PKD1: variants seen among roughly 807,000 people sequenced by gnomAD.
The protein encoded by PKD1 is polycystin-1.
Under a neutral mutation model 361.7 loss-of-function variants are expected in PKD1, and 81 were observed. The observed-to-expected ratio is 0.22, with a 90% CI of 0.19 to 0.27. The LOEUF is 0.27. Among genes scored for constraint, PKD1 ranks in the 10% least tolerant of loss-of-function variants. The pLI is 1.00. For missense variants in PKD1, 6,399 were observed against 6,118.3 expected, an observed-to-expected ratio of 1.05 and a Z score of -1.53; for synonymous variants, 3,615 against 2,818.3, an observed-to-expected ratio of 1.28 and a Z score of -8.95.
In PKD1 at chr16:2,105,435, C is replaced by T. The variant is rs778979740; in HGVS notation, c.7903G>A (p.Glu2635Lys). 1.2e-5 allele frequency: 19 copies of T among 1,588,224 alleles called. No individual in the cohort carries two copies. The highest frequency in any genetic ancestry group is 4.4e-5 in the South Asian group (4 of 90,974). Reference sequence around the variant, plus strand: ...CGTATCTGGGCTCGGTGCTGCCGCTCGTGCTTGGGCTCTGCCGCCACGTCC... The same window carrying T: ...CGTATCTGGGCTCGGTGCTGCCGCTTGTGCTTGGGCTCTGCCGCCACGTCC... ...ALDVAAEPKH[E>K]RQHRAQIRKN... Residue 2635 changes from glutamate (E) to lysine (K), a missense_variant, in exon 21 of 46, where the codon GAG (glutamate) becomes AAG (lysine). Coordinates refer to ENST00000262304, the MANE Select transcript of PKD1 (RefSeq NM_001009944.3).
At chr16:2,112,739 T>C (rs749752361) in intron 13 of PKD1, 49 bp downstream of exon 13, 25 of 1,573,500 alleles carry the variant, frequency 1.6e-5, no homozygotes, top group Non-Finnish European at 2.1e-5. Flanking sequence ...AGGCTGGGGC[T>C]GGGACAAGAG....
At chr16:2,131,044 T>C (rs1208717593) in intron 1 of PKD1, among the ~76,000 whole-genome samples, 2 of 152,202 alleles carry the variant, frequency 1.3e-5, no homozygotes, top group Non-Finnish European at 2.9e-5. Context: ...GACAATGGGA[T>C]GTCGGCTCCA....
Position 2,110,394 on chromosome 16 carries a change from G to C in PKD1, c.4773C>G (p.Ile1591Met), listed in dbSNP as rs373958724. 8.1e-6 allele frequency: 13 copies of C among 1,612,494 alleles called. No homozygotes were observed. Among genetic ancestry groups the C allele is most frequent in the Non-Finnish European group, 1.0e-5 (12 of 1,179,842 alleles). The change falls in exon 15 of 46, where the codon ATC (isoleucine) becomes ATG (methionine). Residue 1591 changes from isoleucine (I) to methionine (M), a missense_variant. Transcript: ENST00000262304. ...SWVLCDRCTP[I>M]PGGPTISYTF... ...TGTAAGAGATGGTAGGACCCCCAGGGATGGGCGTGCAGCGGTCACAGAGCA... is the reference window on the plus strand; with the variant it reads ...TGTAAGAGATGGTAGGACCCCCAGGCATGGGCGTGCAGCGGTCACAGAGCA...
rs2091601376 is a variant in PKD1, at chr16:2,091,884, C to T, written c.11434G>A (p.Ala3812Thr). ...ACGTAGCCCCCGCTGTCATACACGG[C>T]ACAGGAGCCCCAGGACCATGCCCTG... ...LLGAWSWGSCAVYDSGGYVQE... is the reference protein window; with the variant it reads ...LLGAWSWGSCTVYDSGGYVQE... Residue 3812 changes from alanine (A) to threonine (T), a missense_variant, in exon 41 of 46, where the codon GCC (alanine) becomes ACC (threonine). By Grantham distance (58) the Ala-to-Thr change is moderately conservative. Coordinates refer to ENST00000262304, the MANE Select transcript of PKD1 (RefSeq NM_001009944.3). 1.2e-6 allele frequency: 2 copies of T among 1,611,484 alleles called. No homozygotes were observed. The highest frequency in any genetic ancestry group is 1.1e-5 in the South Asian group (1 of 91,030).
chr16:2,135,564 C>G lies in PKD1; in HGVS notation c.126G>C (p.Ala42=). The G allele has an allele frequency of 9.0e-7, 1 of 1,111,190 alleles. No homozygotes were observed. 68.8% of individuals were successfully genotyped at this position (1,111,190 alleles called of 1,614,324 possible). Residue 42 remains alanine, a synonymous_variant, in exon 1 of 46, where the codon GCG becomes GCC. Transcript: ENST00000262304. ...AGTTGACGCGGCAGGCGGCGCCGGGCGCTGGGCCGCAGAGGCAGGGGGGCT... is the reference window on the plus strand; with the variant it reads ...AGTTGACGCGGCAGGCGGCGCCGGGGGCTGGGCCGCAGAGGCAGGGGGGCT... ...PCEPPCLCGP[A]PGAACRVNCS...
chr16:2,135,741 G>C lies in PKD1; in HGVS notation c.-52C>G, dbSNP rs1051951834. On this transcript the variant is annotated 5_prime_UTR_variant, in exon 1 of 46. Transcript: ENST00000262304. The stretch of plus-strand genomic sequence containing the variant: ...GCCGTCCCCAGGCCCGCCCGCGCGC[G>C]GAGGCCGCAGCTCAGGCGGGGCCCG... 2 of 964,840 alleles carry C rather than the reference G, an allele frequency of 2.1e-6. No individual in the cohort carries two copies. Among genetic ancestry groups the C allele is most frequent in the Non-Finnish European group, 1.2e-6 (1 of 814,332 alleles). The allele number at this position is 964,840 out of a possible 1,614,324, so 59.8% of individuals were successfully genotyped here. A position where few individuals can be genotyped will look rare whatever the true frequency, so the allele number is the denominator to read the frequency against.
intron 33 of PKD1, 39 bp from the exon 34 acceptor site, chr16:2,097,280 G>A (rs1415826765): frequency 6.2e-6 from 10 of 1,608,918 alleles, no homozygotes; most frequent in African/African-American, 2.7e-5. Context: ...CCAGCTGCAA[G>A]GGTGAGCTTC....
rs778893944 is a variant in PKD1 at position 2,091,143 on chromosome 16, G to C, written c.11744C>G (p.Ala3915Gly). The C allele has an allele frequency of 2.0e-6, 3 of 1,482,054 alleles. No homozygotes were observed. Among genetic ancestry groups the C allele is most frequent in the Non-Finnish European group, 2.7e-6 (3 of 1,124,356 alleles). 91.8% of individuals were successfully genotyped at this position (1,482,054 alleles called of 1,614,324 possible). A position where few individuals can be genotyped will look rare whatever the true frequency, so the allele number is the denominator to read the frequency against. The change falls in exon 43 of 46, where the codon GCC becomes GGC. Residue 3915 changes from alanine to glycine, a missense_variant. Coordinates refer to ENST00000262304, the MANE Select transcript of PKD1 (RefSeq NM_001009944.3). ...VCLLLFAVHF[A>G]VAEARTWHRE... is the part of the protein sequence containing the mutation. ...GTGCCAAGTACGGGCCTCGGCCACG[G>C]CGAAGTGCACGGCGAACAGCAGCAG... is the stretch of plus-strand genomic sequence containing the variant.
At position 2,105,449 on chromosome 16, in the gene PKD1, G is replaced by A. The variant is rs1459227005; in HGVS notation, c.7889C>T (p.Ala2630Val). ...GTGCTGCCGCTCGTGCTTGGGCTCT[G>A]CCGCCACGTCCAGGGCCCGCTCGTA... ...NEYERALDVAAEPKHERQHRA... is the reference protein window; with the variant it reads ...NEYERALDVAVEPKHERQHRA... The change falls in exon 21 of 46, where the codon GCA becomes GTA. Residue 2630 changes from alanine to valine, a missense_variant. Transcript: ENST00000262304. 2 of 1,593,400 alleles carry A rather than the reference G, an allele frequency of 1.3e-6. No individual in the cohort carries two copies. The highest frequency in any genetic ancestry group is 2.3e-4 in the Middle Eastern group (1 of 4,436).
At chr16:2,124,939 G>A (rs1032027096) in intron 1 of PKD1, among the ~76,000 whole-genome samples, 5 of 152,108 alleles carry the variant, frequency 3.3e-5, no homozygotes, top group Admixed American at 1.3e-4. Flanking sequence ...GTTCCCCTCC[G>A]CCCAGCAAGA....
chr16:2,115,657 T>C, intron 9 of PKD1, 32 bp from the exon 10 acceptor site: 4 of 1,591,590 alleles, frequency 2.5e-6, no homozygotes, highest in Non-Finnish European at 3.4e-6. Context: ...GGGGCCCTGA[T>C]TTGCCCACAG....
At chr16:2,123,533 G>A in intron 1 of PKD1, 2 of 456,312 alleles carry the variant, frequency 4.4e-6, no homozygotes, top group South Asian at 3.1e-5. Context: ...GGAACGCCAA[G>A]GCCTAGCCAG....
At position 2,116,821 on chromosome 16, in the gene PKD1, C is replaced by G. The variant is rs1159998444; in HGVS notation, c.1606+12G>C. On this transcript the variant is annotated intron_variant, in intron 7 of 45. Transcript: ENST00000262304. Reference sequence around the variant, plus strand: ...GCCAGCGTCTCAGGCCCCTGCCTGGCCCCCCGCACACCTCCGGGCTGCAGC... The same window carrying G: ...GCCAGCGTCTCAGGCCCCTGCCTGGGCCCCCGCACACCTCCGGGCTGCAGC... 6.7e-7 allele frequency: 1 copy of G among 1,488,546 alleles called. No homozygotes were observed. Among genetic ancestry groups the G allele is most frequent in the Admixed American group, 2.0e-5 (1 of 50,936 alleles). The allele number at this position is 1,488,546 out of a possible 1,614,324, so 92.2% of individuals were successfully genotyped here.
In PKD1 at chr16:2,089,601, C is replaced by T; in HGVS notation, c.*126G>A. On this transcript the variant is annotated 3_prime_UTR_variant, in exon 46 of 46. Coordinates refer to ENST00000262304, the MANE Select transcript of PKD1 (RefSeq NM_001009944.3). ...TGAAGCCCACAGACAGACAGATGCC[C>T]CTGCCTGCTCTCTGGGGAACCTACG... 1 of 1,197,638 alleles carries T rather than the reference C, an allele frequency of 8.3e-7. No homozygotes were observed. Among genetic ancestry groups the T allele is most frequent in the East Asian group, 2.6e-5 (1 of 38,744 alleles). 74.2% of individuals were successfully genotyped at this position (1,197,638 alleles called of 1,614,324 possible).
intron 34 of PKD1, chr16:2,094,766 C>T: frequency 6.2e-6 from 1 of 162,032 alleles, no homozygotes; most frequent in East Asian, 1.8e-4. Flanking sequence ...GGCCACCATG[C>T]TGATATGCCC....
In PKD1 at chr16:2,109,584, G is replaced by C. The variant is rs763079908; in HGVS notation, c.5583C>G (p.Thr1861=). 1 of 1,611,732 alleles carries C rather than the reference G, an allele frequency of 6.2e-7. No homozygotes were observed. The highest frequency in any genetic ancestry group is 8.5e-7 in the Non-Finnish European group (1 of 1,179,550). Residue 1861 remains threonine (T), a synonymous_variant, in exon 15 of 46, where the codon ACC becomes ACG. Coordinates refer to ENST00000262304, the MANE Select transcript of PKD1 (RefSeq NM_001009944.3). ...TGGAGGCATTGAGCCGGATGGAGAA[G>C]GTGCCAGCATCCGGGAAGACCATGG... is the stretch of plus-strand genomic sequence containing the variant. The part of the protein sequence containing the change: ...HVTMVFPDAG[T]FSIRLNASNA...
In PKD1 at chr16:2,113,219, G is replaced by A; in HGVS notation, c.2927C>T (p.Thr976Ile). 2 of 1,417,056 alleles carry A rather than the reference G, an allele frequency of 1.4e-6. No individual in the cohort carries two copies. Among genetic ancestry groups the A allele is most frequent in the South Asian group, 2.3e-5 (2 of 87,492 alleles). The allele number at this position is 1,417,056 out of a possible 1,614,324, so 87.8% of individuals were successfully genotyped here. Residue 976 changes from threonine (T) to isoleucine (I), a missense_variant, in exon 12 of 46, where the codon ACC (threonine) becomes ATC (isoleucine). Transcript: ENST00000262304. ...GACATTGAAGACCACGTTCTGGAAGGTCAGGGACTGCTTGTCGTTGATGGT... is the reference window on the plus strand; with the variant it reads ...GACATTGAAGACCACGTTCTGGAAGATCAGGGACTGCTTGTCGTTGATGGT... ...RWTINDKQSL[T>I]FQNVVFNVIY...
In PKD1 at chr16:2,109,199, T is replaced by C; in HGVS notation, c.5968A>G (p.Arg1990Gly). ...CEPGIATGTE[R>G]NFTARVQRGS... Reference sequence around the variant, plus strand: ...CGCTGCACGCGGGCTGTGAAGTTCCTCTCAGTGCCCGTGGCGATGCCAGGC... The same window carrying C: ...CGCTGCACGCGGGCTGTGAAGTTCCCCTCAGTGCCCGTGGCGATGCCAGGC... The change falls in exon 15 of 46, where the codon AGG becomes GGG. Residue 1990 changes from arginine (R) to glycine (G), a missense_variant. Transcript: ENST00000262304. The C allele has an allele frequency of 6.3e-7, 1 of 1,596,616 alleles. No homozygotes were observed. The highest frequency in any genetic ancestry group is 2.2e-5 in the East Asian group (1 of 44,494).
intron 38 of PKD1, 123 bp from the exon 39 acceptor site, chr16:2,092,715 T>A: frequency 2.3e-6 from 2 of 856,742 alleles, no homozygotes; most frequent in Non-Finnish European, 3.8e-6. Flanking sequence ...AGACCTGGGC[T>A]TCTCAGCCTT....
Sources: gnomAD v4.1 joint callset for allele counts (sites outside exome capture counted in the v4.1 genomes callset) on GRCh38, gnomAD v4.1.1 for gene constraint, MANE v1.5 for transcripts, NCBI Gene and HGNC (gene_info 2026-07-23, HGNC 2026-07-21) for gene names.